C1QL2: variants seen among roughly 807,000 people sequenced by gnomAD.
C1QL2 encodes the protein complement C1q like 2.
In C1QL2, 13 loss-of-function variants were observed where a neutral mutation model predicts 16.6. The observed-to-expected ratio is 0.78, with a 90% CI of 0.51 to 1.25. C1QL2 has a LOEUF of 1.25. Ranked by LOEUF, C1QL2 falls within the 50% of genes most tolerant of loss-of-function variation. The probability of loss-of-function intolerance (pLI) is 0.00; values close to 1 mark genes in which losing one functional copy is unlikely to be tolerated. For synonymous variants in C1QL2, 210 were observed against 183.2 expected (o/e 1.15, Z -1.18); for missense variants, 396 against 409.6 (o/e 0.97, Z 0.29).
At chr2:119,157,009 G>T in intron 1 of C1QL2, 28 bp from the exon 2 acceptor site, 1 of 1,609,482 alleles carries the variant, frequency 6.2e-7, no homozygotes, top group Non-Finnish European at 8.5e-7. Flanking sequence ...GAGCAGGTGA[G>T]CCGGGGCACC....
rs768786776 is a variant in C1QL2 at position 119,158,291 on chromosome 2, C to G, written c.-22G>C. On this transcript the variant is annotated 5_prime_UTR_variant, in exon 1 of 2. Coordinates refer to ENST00000272520, the MANE Select transcript of C1QL2 (RefSeq NM_182528.4). The stretch of plus-strand genomic sequence containing the variant: ...CCATGGCCAAGAGTACGCCGACGGC[C>G]GCCAGGCAGGCACGCCGCCGCCGCT... 66 of 1,382,830 alleles carry G rather than the reference C, an allele frequency of 4.8e-5. No homozygotes were observed. The highest frequency in any genetic ancestry group is 6.1e-5 in the Non-Finnish European group (66 of 1,076,272). The allele number at this position is 1,382,830 out of a possible 1,614,324, so 85.7% of individuals were successfully genotyped here. A position where few individuals can be genotyped will look rare whatever the true frequency, so the allele number is the denominator to read the frequency against.
Position 119,158,542 on chromosome 2 carries a change from C to T in C1QL2, c.-273G>A, listed in dbSNP as rs1282219873. On this transcript the variant is annotated 5_prime_UTR_variant, in exon 1 of 2. Transcript: ENST00000272520. ...GCGCTGGGGCTGGTCGGGAGAGCCG[C>T]GGACGCCCGCGCGCATGACGTGGGG... The T allele has an allele frequency of 8.5e-6, 2 of 236,152 alleles. No homozygotes were observed. Among genetic ancestry groups the T allele is most frequent in the Non-Finnish European group, 1.6e-5 (2 of 121,632 alleles). The allele number at this position is 236,152 out of a possible 1,614,324, so 14.6% of individuals were successfully genotyped here.
At position 119,158,387 on chromosome 2, in the gene C1QL2, G is replaced by A; in HGVS notation, c.-118C>T. On this transcript the variant is annotated 5_prime_UTR_variant, in exon 1 of 2. Coordinates refer to ENST00000272520, the MANE Select transcript of C1QL2 (RefSeq NM_182528.4). ...GGGAGGTAATGGTGGGGCGGCGCGG[G>A]CGGCCCCGCTCCCCGCGCTCGGGGA... 1 of 898,576 alleles carries A rather than the reference G, an allele frequency of 1.1e-6. No individual in the cohort carries two copies. The highest frequency in any genetic ancestry group is 1.5e-6 in the Non-Finnish European group (1 of 686,932). The allele number at this position is 898,576 out of a possible 1,614,324, so 55.7% of individuals were successfully genotyped here.
intron 1 of C1QL2, among the ~76,000 whole-genome samples, chr2:119,157,306 T>C (rs1397996145): frequency 6.6e-6 from 1 of 152,080 alleles, no homozygotes; most frequent in Admixed American, 6.5e-5. Context: ...GAACTGAGGT[T>C]TCCGAGAAGC....
At chr2:119,157,542 C>G in intron 1 of C1QL2, 44 bp downstream of exon 1, 2 of 1,493,514 alleles carry the variant, frequency 1.3e-6, no homozygotes, top group African/African-American at 2.2e-5. Flanking sequence ...GTTCAGGGCG[C>G]GGGCGAGGGT....
chr2:119,156,715 T>C lies in C1QL2; in HGVS notation c.*87A>G. The C allele has an allele frequency of 7.1e-7, 1 of 1,416,776 alleles. No homozygotes were observed. Among genetic ancestry groups the C allele is most frequent in the Non-Finnish European group, 9.6e-7 (1 of 1,042,244 alleles). The allele number at this position is 1,416,776 out of a possible 1,614,324, so 87.8% of individuals were successfully genotyped here. Reference sequence around the variant, plus strand: ...CCAAAGGAGATGTCAGGAAGTGTTATGAATCGAGAGTGGCCTTTGCCAAGG... The same window carrying C: ...CCAAAGGAGATGTCAGGAAGTGTTACGAATCGAGAGTGGCCTTTGCCAAGG... On this transcript the variant is annotated 3_prime_UTR_variant, in exon 2 of 2. Coordinates refer to ENST00000272520, the MANE Select transcript of C1QL2 (RefSeq NM_182528.4).
In C1QL2 at chr2:119,158,181, C is replaced by T. The variant is rs1007036535; in HGVS notation, c.89G>A (p.Arg30His). 5 of 1,577,714 alleles carry T rather than the reference C, an allele frequency of 3.2e-6. No homozygotes were observed. The highest frequency in any genetic ancestry group is 1.4e-5 in the African/African-American group (1 of 71,036). Residue 30 changes from arginine to histidine, a missense_variant, in exon 1 of 2, where the codon CGC becomes CAC. Physicochemically the swap from Arg to His is conservative, Grantham distance 29 (BLOSUM62 0). Transcript: ENST00000272520. ...AAHYEMMGTC[R>H]MICDPYTAAP... Reference sequence around the variant, plus strand: ...GGCAGTGTAAGGGTCGCAGATCATGCGGCAGGTGCCCATCATCTCATAGTG... The same window carrying T: ...GGCAGTGTAAGGGTCGCAGATCATGTGGCAGGTGCCCATCATCTCATAGTG...
rs1677967624 is a variant in C1QL2 at position 119,156,728 on chromosome 2, G to A, written c.*74C>T. On this transcript the variant is annotated 3_prime_UTR_variant, in exon 2 of 2. Coordinates refer to ENST00000272520, the MANE Select transcript of C1QL2 (RefSeq NM_182528.4). ...CAGGAAGTGTTATGAATCGAGAGTG[G>A]CCTTTGCCAAGGAGCCGCGCCCGGG... 6.7e-7 allele frequency: 1 copy of A among 1,496,208 alleles called. No homozygotes were observed. Among genetic ancestry groups the A allele is most frequent in the Admixed American group, 2.0e-5 (1 of 49,946 alleles). 92.7% of individuals were successfully genotyped at this position (1,496,208 alleles called of 1,614,324 possible).
In C1QL2 at chr2:119,158,144, C is replaced by G. The variant is rs901917590; in HGVS notation, c.126G>C (p.Gly42=). ...GCTGCGCCTTTGCACCCGGGGGCTC[C>G]CCGCCGGGCGCGGCAGTGTAAGGGT... ...ICDPYTAAPG[G]EPPGAKAQPP... is the part of the protein sequence containing the mutation. Residue 42 remains glycine (G), a synonymous_variant, in exon 1 of 2, where the codon GGG becomes GGC. Coordinates refer to ENST00000272520, the MANE Select transcript of C1QL2 (RefSeq NM_182528.4). The G allele has an allele frequency of 6.4e-7, 1 of 1,563,336 alleles. No individual in the cohort carries two copies. Among genetic ancestry groups the G allele is most frequent in the South Asian group, 1.2e-5 (1 of 85,404 alleles).
chr2:119,157,395 A>G (rs546214513), intron 1 of C1QL2, among the ~76,000 whole-genome samples, 191 bp downstream of exon 1: 5 of 152,332 alleles, frequency 3.3e-5, no homozygotes, highest in African/African-American at 1.2e-4. Context: ...TCAAGGCCCA[A>G]CATTTGGCTC....
chr2:119,157,609 C>T lies in C1QL2; in HGVS notation c.661G>A (p.Ala221Thr), dbSNP rs746114044. 7 of 1,614,094 alleles carry T rather than the reference C, an allele frequency of 4.3e-6. No homozygotes were observed. Among genetic ancestry groups the T allele is most frequent in the Non-Finnish European group, 5.9e-6 (7 of 1,180,020 alleles). The stretch of plus-strand genomic sequence containing the variant: ...ACCTGCCCGTTCTTGCAGAGGTCCG[C>T]CCACATGCTGGTGCCGTCGCCGCCG... The part of the protein sequence containing the change: ...MRGGDGTSMW[A>T]DLCKNGQVRA... Residue 221 changes from alanine to threonine, a missense_variant, in exon 1 of 2, where the codon GCG becomes ACG. By Grantham distance (58) the Ala-to-Thr change is moderately conservative. Coordinates refer to ENST00000272520, the MANE Select transcript of C1QL2 (RefSeq NM_182528.4).
Position 119,158,210 on chromosome 2 carries a change from G to A in C1QL2, c.60C>T (p.Ala20=). The part of the protein sequence containing the change: ...PLLLQAAPRG[A]AHYEMMGTCR... ...AGGTGCCCATCATCTCATAGTGCGC[G>A]GCGCCTCGGGGCGCCGCCTGCAGCA... Residue 20 remains alanine (A), a synonymous_variant, in exon 1 of 2, where the codon GCC becomes GCT. Coordinates refer to ENST00000272520, the MANE Select transcript of C1QL2 (RefSeq NM_182528.4). 1 of 1,573,104 alleles carries A rather than the reference G, an allele frequency of 6.4e-7. No homozygotes were observed. The highest frequency in any genetic ancestry group is 8.6e-7 in the Non-Finnish European group (1 of 1,163,996).
Position 119,156,536 on chromosome 2 carries a change from T to C in C1QL2, c.*266A>G, listed in dbSNP as rs566149283. The stretch of plus-strand genomic sequence containing the variant: ...CCCTGCCTGTCCAGTCTAATCAGGT[T>C]TGCAAAGTCTGTGCCGCCGCCTCAA... On this transcript the variant is annotated 3_prime_UTR_variant, in exon 2 of 2. Coordinates refer to ENST00000272520, the MANE Select transcript of C1QL2 (RefSeq NM_182528.4). The C allele has an allele frequency of 4.9e-6, 2 of 406,748 alleles. No individual in the cohort carries two copies. The highest frequency in any genetic ancestry group is 4.1e-5 in the African/African-American group (2 of 49,352). 25.2% of individuals were successfully genotyped at this position (406,748 alleles called of 1,614,324 possible).
At chr2:119,157,009 G>A (rs751252273) in intron 1 of C1QL2, 28 bp from the exon 2 acceptor site, 6 of 1,609,482 alleles carry the variant, frequency 3.7e-6, no homozygotes, top group Non-Finnish European at 5.1e-6. Context: ...GAGCAGGTGA[G>A]CCGGGGCACC....
rs1278113391 is a variant in C1QL2 at position 119,157,839 on chromosome 2, C to T, written c.431G>A (p.Gly144Asp). The change falls in exon 1 of 2, where the codon GGT (glycine) becomes GAT (aspartate). Residue 144 changes from glycine to aspartate, a missense_variant. By Grantham distance (94) the Gly-to-Asp change is moderately conservative. Transcript: ENST00000272520. ...GGCGCTCAGCGCACTGGTCACTTCA[C>T]CCTCGGAATCGCCACCTACCCCGGC... ...GGAGVGGDSEGEVTSALSATF... is the reference protein window; with the variant it reads ...GGAGVGGDSEDEVTSALSATF... 1 of 1,587,936 alleles carries T rather than the reference C, an allele frequency of 6.3e-7. No individual in the cohort carries two copies. The highest frequency in any genetic ancestry group is 8.6e-7 in the Non-Finnish European group (1 of 1,167,120).
At position 119,158,073 on chromosome 2, in the gene C1QL2, C is replaced by T. The variant is rs1201185671; in HGVS notation, c.197G>A (p.Ser66Asn). 1 of 1,530,294 alleles carries T rather than the reference C, an allele frequency of 6.5e-7. No individual in the cohort carries two copies. The highest frequency in any genetic ancestry group is 2.1e-5 in the Admixed American group (1 of 48,644). 94.8% of individuals were successfully genotyped at this position (1,530,294 alleles called of 1,614,324 possible). ...GATGAAAGGAGGAGGAGGGTTGGCG[C>T]TGAGGTCCTGCATGACTTCCAGGGC... is the stretch of plus-strand genomic sequence containing the variant. ...TAALEVMQDL[S>N]ANPPPPFIQG... The change falls in exon 1 of 2, where the codon AGC becomes AAC. Residue 66 changes from serine (S) to asparagine (N), a missense_variant. Physicochemically the swap from Ser to Asn is conservative, Grantham distance 46 (BLOSUM62 1). Around this residue, in one of 2 missense-constraint regions of C1QL2, gnomAD observed 353 missense variants for 334.8 expected, o/e 1.05. Coordinates refer to ENST00000272520, the MANE Select transcript of C1QL2 (RefSeq NM_182528.4).
At chr2:119,157,051 G>A (rs970723595) in intron 1 of C1QL2, 70 bp from the exon 2 acceptor site, 12 of 1,556,048 alleles carry the variant, frequency 7.7e-6, no homozygotes, top group Non-Finnish European at 1.0e-5. Context: ...CCCACACCAG[G>A]CGCGCCACTC....
chr2:119,156,607 C>A lies in C1QL2; in HGVS notation c.*195G>T, dbSNP rs369559468. The A allele has an allele frequency of 4.7e-6, 3 of 639,330 alleles. No individual in the cohort carries two copies. The East Asian group carries it at 9.0e-5, about 19-fold the overall frequency. 39.6% of individuals were successfully genotyped at this position (639,330 alleles called of 1,614,324 possible). On this transcript the variant is annotated 3_prime_UTR_variant, in exon 2 of 2. Coordinates refer to ENST00000272520, the MANE Select transcript of C1QL2 (RefSeq NM_182528.4). ...CCCTTGCCGGGATGGGGATGGAGACCAGGAGCACAGCCCTGAGCGTGGTGG... is the reference window on the plus strand; with the variant it reads ...CCCTTGCCGGGATGGGGATGGAGACAAGGAGCACAGCCCTGAGCGTGGTGG...
rs2121217 is a variant in C1QL2 at position 119,158,737 on chromosome 2, T to G, written c.-468A>C. On this transcript the variant is annotated 5_prime_UTR_variant, in exon 1 of 2. Transcript: ENST00000272520. ...CCTAGCGCAGTGAGGGCGCCCCGGC[T>G]CCGCGGCGCGCTCTGCTGTGCTCTC... 1 of 151,842 alleles carries G rather than the reference T, an allele frequency of 6.6e-6. No homozygotes were observed. Among genetic ancestry groups the G allele is most frequent in the Non-Finnish European group, 1.5e-5 (1 of 68,024 alleles). The allele number at this position is 151,842 out of a possible 1,614,324, so 9.4% of individuals were successfully genotyped here. A position where few individuals can be genotyped will look rare whatever the true frequency, so the allele number is the denominator to read the frequency against.
Sources: allele counts gnomAD v4.1 joint callset (sites outside exome capture counted in the v4.1 genomes callset), GRCh38; gene constraint gnomAD v4.1.1; regional missense constraint gnomAD v4.1.1; transcripts MANE v1.5; gene names NCBI Gene and HGNC (gene_info 2026-07-23, HGNC 2026-07-21).